JAZF1: variants seen among roughly 807,000 people sequenced by gnomAD.
JAZF1 encodes the protein juxtaposed with another zinc finger protein 1.
JAZF1 carries 8 observed loss-of-function variants against 26.4 expected under a neutral mutation model. The ratio of observed to expected loss-of-function variants is 0.30; its 90% CI spans 0.18 to 0.55. The LOEUF (loss-of-function observed/expected upper bound fraction) is 0.55, where lower values mean the gene tolerates loss of function less well. Ranked by LOEUF, JAZF1 falls within the 20% of genes least tolerant of loss-of-function variation. The pLI is 0.94. For missense variants in JAZF1, 199 were observed against 322.0 expected (o/e 0.62, Z 2.92); for synonymous variants, 126 against 122.3 (o/e 1.03, Z -0.20).
chr7:28,107,914 G>A (rs916681855), intron 1 of JAZF1, among the ~76,000 whole-genome samples: 3 of 152,136 alleles, frequency 2.0e-5, no homozygotes, highest in Non-Finnish European at 4.4e-5. Flanking sequence ...AGACATAAGC[G>A]TAAAGGCTTA....
intron 1 of JAZF1, among the ~76,000 whole-genome samples, chr7:28,100,665 A>T (rs901174780): frequency 6.6e-6 from 1 of 152,188 alleles, no homozygotes; most frequent in Non-Finnish European, 1.5e-5. Flanking sequence ...TCACATTCTG[A>T]TCACTCTAGA....
intron 1 of JAZF1, among the ~76,000 whole-genome samples, chr7:28,025,422 A>T (rs1453750362): frequency 6.6e-6 from 1 of 152,222 alleles, no homozygotes; most frequent in Non-Finnish European, 1.5e-5. Context: ...GCTTGTCCTC[A>T]CAAAACATGA....
Position 27,898,419 on chromosome 7 carries a change from C to T in JAZF1, c.189-3003G>A, listed in dbSNP as rs1429589352. ...CCTCCTGGTTCAAGCAATTCTCCTG[C>T]CTCAGCCTCCCAAATAACTGGGACT... On this transcript the variant is annotated intron_variant, in intron 2 of 4. Transcript: ENST00000283928. Among the ~76,000 whole-genome samples, 3 of 150,360 alleles carry T rather than the reference C, an allele frequency of 2.0e-5. 1 individual carries two copies. The highest frequency in any genetic ancestry group is 4.4e-5 in the Non-Finnish European group (3 of 67,838).
At chr7:27,887,564 C>A (rs1288875705) in intron 3 of JAZF1, among the ~76,000 whole-genome samples, 1 of 151,934 alleles carries the variant, frequency 6.6e-6, no homozygotes, top group East Asian at 1.9e-4. Flanking sequence ...TACAGGTGCG[C>A]ACCAACATGC....
At chr7:28,143,390 C>T (rs1050915911) in intron 1 of JAZF1, among the ~76,000 whole-genome samples, 1 of 152,156 alleles carries the variant, frequency 6.6e-6, no homozygotes. Flanking sequence ...CTCTGACTCC[C>T]TCAAGTACTG....
At chr7:27,848,836 G>A (rs1222129826) in intron 3 of JAZF1, among the ~76,000 whole-genome samples, 2 of 152,120 alleles carry the variant, frequency 1.3e-5, no homozygotes, top group African/African-American at 4.8e-5. Context: ...GTGCTTACTT[G>A]ATTTTTTATT....
At chr7:28,140,058 C>T (rs1782940222) in intron 1 of JAZF1, among the ~76,000 whole-genome samples, 1 of 150,390 alleles carries the variant, frequency 6.6e-6, no homozygotes, top group African/African-American at 2.5e-5. Flanking sequence ...GTCTCCAGCT[C>T]CTATAAAAGT....
At chr7:27,983,923 C>T (rs1423687812) in intron 2 of JAZF1, among the ~76,000 whole-genome samples, 1 of 152,164 alleles carries the variant, frequency 6.6e-6, no homozygotes, top group African/African-American at 2.4e-5. Context: ...CACCACCAGG[C>T]CTTCCTTACA....
chr7:27,889,815 C>T (rs1562519992), intron 3 of JAZF1, among the ~76,000 whole-genome samples: 2 of 152,062 alleles, frequency 1.3e-5, no homozygotes, highest in Non-Finnish European at 2.9e-5. Flanking sequence ...CACCTGTATT[C>T]CCAGCTACTT....
chr7:28,120,357 ATC>A (rs1177235842), intron 1 of JAZF1, among the ~76,000 whole-genome samples: 1 of 151,998 alleles, frequency 6.6e-6, no homozygotes, highest in Non-Finnish European at 1.5e-5. Flanking sequence ...TGCTTGAGGA[ATC>A]TGAGACACAG....
chr7:28,127,101 C>T (rs1782707211), intron 1 of JAZF1, among the ~76,000 whole-genome samples: 1 of 152,182 alleles, frequency 6.6e-6, no homozygotes. Flanking sequence ...CTGAAGCTTG[C>T]TTTTCATTAG....
intron 3 of JAZF1, among the ~76,000 whole-genome samples, chr7:27,877,265 A>G (rs537758131): frequency 9.2e-4 from 140 of 152,360 alleles, no homozygotes; most frequent in African/African-American, 3.3e-3. Context: ...TGAGAGGTCA[A>G]GCCTTCTCTG....
At position 28,092,290 on chromosome 7, in the gene JAZF1, C is replaced by CCAAAAA. The variant is rs1784310777; in HGVS notation, c.115+88172_115+88173insTTTTTG. ...AACATCCCATTTCAGGGACAAAAGG[C>CCAAAAA]AAAAAAAAAAAAAAAAAAAAAAAAA... On this transcript the variant is annotated intron_variant, in intron 1 of 4. Transcript: ENST00000283928. Among the ~76,000 whole-genome samples the CCAAAAA allele has an allele frequency of 2.1e-3, 27 of 12,802 alleles. 2 individuals carry two copies. The highest frequency in any genetic ancestry group is 5.4e-3 in the African/African-American group (25 of 4,646). The allele number at this position is 12,802 out of a possible 152,430, so 8.4% of individuals were successfully genotyped here.
intron 1 of JAZF1, among the ~76,000 whole-genome samples, chr7:28,062,965 GTA>G (rs1312100342): frequency 4.6e-5 from 7 of 152,022 alleles, no homozygotes; most frequent in Non-Finnish European, 8.8e-5. Flanking sequence ...ATCTTTTCAT[GTA>G]TATGTCAGCT....
intron 1 of JAZF1, among the ~76,000 whole-genome samples, chr7:28,145,801 C>T (rs115038268): frequency 0.01 from 1,525 of 152,162 alleles, 21 homozygotes; most frequent in African/African-American, 0.03. Flanking sequence ...CATTCCAGGA[C>T]GCTGGCAACC....
At chr7:28,068,586 T>C (rs1484518065) in intron 1 of JAZF1, among the ~76,000 whole-genome samples, 1 of 152,162 alleles carries the variant, frequency 6.6e-6, no homozygotes, top group Non-Finnish European at 1.5e-5. Flanking sequence ...CAGGGCCACA[T>C]GAAAATCTCA....
At chr7:27,838,964 G>A (rs904076802) in intron 4 of JAZF1, among the ~76,000 whole-genome samples, 6 of 152,168 alleles carry the variant, frequency 3.9e-5, no homozygotes, top group Non-Finnish European at 8.8e-5. Flanking sequence ...GGTGGAGAGA[G>A]AACACTCAGA....
intron 1 of JAZF1, among the ~76,000 whole-genome samples, chr7:28,001,106 C>A (rs1786148702): frequency 6.6e-6 from 1 of 151,862 alleles, no homozygotes; most frequent in Non-Finnish European, 1.5e-5. Flanking sequence ...GTAATCCTAG[C>A]ACTTTGGGAG....
intron 1 of JAZF1, among the ~76,000 whole-genome samples, chr7:28,126,673 T>C (rs1360071497): frequency 1.3e-5 from 2 of 152,166 alleles, no homozygotes; most frequent in Admixed American, 6.5e-5. Context: ...CCAACAAGAC[T>C]GTACTCCCCA....
Sources: gnomAD v4.1 joint callset for allele counts (sites outside exome capture counted in the v4.1 genomes callset) on GRCh38, gnomAD v4.1.1 for gene constraint, MANE v1.5 for transcripts, NCBI Gene and HGNC (gene_info 2026-07-23, HGNC 2026-07-21) for gene names.